The following SRFBP1 variants were observed in gnomAD, a reference collection of about 807,000 sequenced individuals.
SRFBP1 encodes serum response factor binding protein 1, also known as serum response factor-binding protein 1.
Under a neutral mutation model 45.5 loss-of-function variants are expected in SRFBP1, and 47 were observed. The ratio of observed to expected loss-of-function variants is 1.03; its 90% confidence interval spans 0.82 to 1.32. The LOEUF is 1.32. Ranked by LOEUF, SRFBP1 falls within the 40% of genes most tolerant of loss-of-function variation. The pLI is 0.00. For synonymous variants in SRFBP1, 203 were observed against 166.3 expected (o/e 1.22, Z -1.70); for missense variants, 621 against 484.6 (o/e 1.28, Z -2.64).
chr5:122,050,170 A>G (rs1417659028), intron 2 of SRFBP1, among the ~76,000 whole-genome samples: 5 of 152,102 alleles, frequency 3.3e-5, no homozygotes, highest in Admixed American at 1.3e-4. Context: ...GGATTTTTCC[A>G]TCTATGTTCA....
intron 2 of SRFBP1, chr5:122,070,463 C>T (rs1234185268): frequency 8.1e-6 from 10 of 1,228,168 alleles, no homozygotes; most frequent in Non-Finnish European, 1.2e-5. Context: ...TCTGCAATAT[C>T]AATATATGAT....
chr5:121,995,890 C>T lies in SRFBP1; in HGVS notation c.270+1220C>T, dbSNP rs866515247. 1.1e-3 allele frequency among the ~76,000 whole-genome samples: 163 copies of T among 152,168 alleles called. 1 individual carries two copies. The highest frequency in any genetic ancestry group is 6.8e-3 in the Middle Eastern group (2 of 294). ...TCAGAGAATACTACAAACACCTCTA[C>T]GCAAATAAATTAGAAAATCTAGAAG... On this transcript the variant is annotated intron_variant, in intron 4 of 7. Transcript: ENST00000339397.
At chr5:122,017,059 T>C (rs1753206255) in intron 4 of SRFBP1, among the ~76,000 whole-genome samples, 1 of 152,028 alleles carries the variant, frequency 6.6e-6, no homozygotes, top group Non-Finnish European at 1.5e-5. Flanking sequence ...TGAAACCCCA[T>C]CTCTACTAAA....
intron 3 of SRFBP1, among the ~76,000 whole-genome samples, chr5:121,987,735 A>G (rs965832912): frequency 6.6e-6 from 1 of 152,200 alleles, no homozygotes; most frequent in African/African-American, 2.4e-5. Context: ...ATATTTTATT[A>G]AGTTAAAAGC....
chr5:122,032,265 GT>G (rs55902217), downstream of SRFBP1, among the ~76,000 whole-genome samples: 39,212 of 146,552 alleles, frequency 0.27, 6,166 homozygotes, highest in African/African-American at 0.45. Flanking sequence ...ATCCTTGGTA[GT>G]TTTTTTTTTT....
chr5:121,978,362 G>T (rs1580502692), intron 3 of SRFBP1, among the ~76,000 whole-genome samples: 2 of 152,092 alleles, frequency 1.3e-5, no homozygotes, highest in East Asian at 3.8e-4. Flanking sequence ...CACTTTCCTA[G>T]ATATTGGAGG....
intron 4 of SRFBP1, among the ~76,000 whole-genome samples, chr5:122,013,400 A>G (rs1243312396): frequency 1.3e-5 from 2 of 152,152 alleles, no homozygotes; most frequent in African/African-American, 4.8e-5. Flanking sequence ...CAAAGTAGAT[A>G]CAGCACATAC....
chr5:122,076,900 G>A (rs770041782), downstream of SRFBP1: 2 of 1,614,020 alleles, frequency 1.2e-6, no homozygotes, highest in East Asian at 4.5e-5. Context: ...TACCTGGCCA[G>A]ACAGTTTTCC....
rs143160179 is a variant in SRFBP1 at position 122,034,276 on chromosome 5, C to G, written n.311+11869C>G. ...AAGATGAATATGTTTGCTGTCAACC[C>G]TGCCAGATTATTTTATGCTGTAATT... On this transcript the variant is annotated intron_variant and non_coding_transcript_variant, in intron 2 of 2. Transcript: ENST00000504881. Among the ~76,000 whole-genome samples, 170 of 152,216 alleles carry G rather than the reference C, an allele frequency of 1.1e-3. 2 individuals carry two copies. In the East Asian group the frequency reaches 0.026, roughly 24 times the overall value.
rs1187289481 is a variant in SRFBP1 at position 122,047,244 on chromosome 5, C to T, written n.311+24837C>T. Among the ~76,000 whole-genome samples the T allele has an allele frequency of 2.0e-5, 3 of 152,248 alleles. No individual in the cohort carries two copies. In the East Asian group the frequency reaches 5.8e-4, roughly 29 times the overall value. Reference sequence around the variant, plus strand: ...TTGTATAAGGTGTAAGGAAGGGATCCAGTTTCAGCTTTCTACATATGTCTA... The same window carrying T: ...TTGTATAAGGTGTAAGGAAGGGATCTAGTTTCAGCTTTCTACATATGTCTA... On this transcript the variant is annotated intron_variant and non_coding_transcript_variant, in intron 2 of 2. Coordinates refer to the SRFBP1 transcript ENST00000504881.
At chr5:121,981,526 C>G (rs1385257775) in intron 3 of SRFBP1, among the ~76,000 whole-genome samples, 1 of 149,118 alleles carries the variant, frequency 6.7e-6, no homozygotes, top group African/African-American at 2.5e-5. Flanking sequence ...CTCTCTGTTG[C>G]TTCTGTATCT....
At chr5:122,003,403 A>C (rs1438463040) in intron 4 of SRFBP1, among the ~76,000 whole-genome samples, 1 of 151,072 alleles carries the variant, frequency 6.6e-6, no homozygotes, top group Non-Finnish European at 1.5e-5. Context: ...ATGTGTGCTC[A>C]GGTCTTAGAC....
chr5:121,973,238 A>G (rs1752236490), intron 1 of SRFBP1, among the ~76,000 whole-genome samples: 1 of 151,816 alleles, frequency 6.6e-6, no homozygotes. Flanking sequence ...CAGTGCAGTG[A>G]GGTAGATGCT....
intron 1 of SRFBP1, among the ~76,000 whole-genome samples, chr5:121,966,498 A>G (rs904130758): frequency 6.6e-6 from 1 of 152,220 alleles, no homozygotes; most frequent in African/African-American, 2.4e-5. Flanking sequence ...CTAATGTTCA[A>G]ATGAGAGGGA....
downstream of SRFBP1, chr5:122,077,385 G>C: frequency 6.2e-7 from 1 of 1,614,042 alleles, no homozygotes. The surrounding 1 kb of genome is among the most constrained non-coding windows in gnomAD (Gnocchi z 4.9). Context: ...CCGTATCCGG[G>C]CCGGTACCTG....
At chr5:121,990,484 A>G (rs777394681) in intron 3 of SRFBP1, among the ~76,000 whole-genome samples, 1 of 152,178 alleles carries the variant, frequency 6.6e-6, no homozygotes, top group Non-Finnish European at 1.5e-5. Flanking sequence ...TATCCTCACT[A>G]TCAGCATGAC....
intron 4 of SRFBP1, among the ~76,000 whole-genome samples, chr5:121,995,345 T>C (rs1752699822): frequency 6.6e-6 from 1 of 152,054 alleles, no homozygotes; most frequent in Non-Finnish European, 1.5e-5. Flanking sequence ...AAACTAGAAC[T>C]CGGGATTAAG....
intron 2 of SRFBP1, among the ~76,000 whole-genome samples, chr5:122,060,404 C>T (rs907648536): frequency 2.6e-5 from 4 of 152,010 alleles, no homozygotes; most frequent in African/African-American, 9.7e-5. Flanking sequence ...TTCCTTTCCT[C>T]CACTTTCCCA....
At chr5:121,966,045 A>C (rs1752057084) in intron 1 of SRFBP1, among the ~76,000 whole-genome samples, 1 of 152,140 alleles carries the variant, frequency 6.6e-6, no homozygotes. Context: ...TTGTATCCTG[A>C]GACTTTGCTG....
Sources: gnomAD v4.1 joint callset for allele counts (sites outside exome capture counted in the v4.1 genomes callset) on GRCh38, gnomAD v4.1.1 for gene constraint, Gnocchi (gnomAD v3.1) non-coding constraint, MANE v1.5 for transcripts, NCBI Gene and HGNC (gene_info 2026-07-23, HGNC 2026-07-21) for gene names.